The following NOS1AP variants were observed in gnomAD, a reference collection of about 807,000 sequenced individuals.
The protein encoded by NOS1AP is nitric oxide synthase 1 adaptor protein.
A neutral mutation model predicts 56.2 loss-of-function variants in NOS1AP; 21 were observed. The observed-to-expected ratio is 0.37, with a 90% confidence interval of 0.26 to 0.54. The LOEUF (loss-of-function observed/expected upper bound fraction) is 0.54, where lower values mean the gene tolerates loss of function less well. NOS1AP is among the 20% of genes least tolerant of loss of function. The pLI, the probability that NOS1AP is intolerant of heterozygous loss-of-function variation, is 0.84. For missense variants in NOS1AP, 522 were observed against 657.8 expected (o/e 0.79, Z 2.26); for synonymous variants, 270 against 274.6 (o/e 0.98, Z 0.17).
intron 2 of NOS1AP, among the ~76,000 whole-genome samples, chr1:162,275,710 T>C (rs897745279): frequency 5.9e-5 from 9 of 152,214 alleles, no homozygotes; most frequent in Admixed American, 3.9e-4. Context: ...CTTCTTCCCA[T>C]TTTCATCCTC....
At chr1:162,364,042 C>T (rs1484546451) in intron 8 of NOS1AP, 4 of 985,440 alleles carry the variant, frequency 4.1e-6, no homozygotes, top group Non-Finnish European at 4.8e-6. Context: ...GGGGCACACC[C>T]TGGGCCAGCA....
intron 2 of NOS1AP, among the ~76,000 whole-genome samples, chr1:162,198,703 G>A (rs941780766): frequency 2.6e-5 from 4 of 152,042 alleles, no homozygotes; most frequent in Non-Finnish European, 4.4e-5. Flanking sequence ...TCATTATCTC[G>A]TGGATTCAAT....
chr1:162,195,014 A>G (rs1251557109), intron 2 of NOS1AP, among the ~76,000 whole-genome samples: 1 of 152,130 alleles, frequency 6.6e-6, no homozygotes. Flanking sequence ...CTTGTGCCTC[A>G]TAGTAGAGGA....
intron 4 of NOS1AP, among the ~76,000 whole-genome samples, chr1:162,306,115 C>T (rs1226265460): frequency 6.6e-6 from 1 of 152,120 alleles, no homozygotes; most frequent in Non-Finnish European, 1.5e-5. Flanking sequence ...GCTCAGAGAA[C>T]AATTATTAAC....
intron 8 of NOS1AP, chr1:162,364,953 T>C: frequency 2.1e-5 from 22 of 1,029,210 alleles, no homozygotes; most frequent in Non-Finnish European, 2.6e-5. Context: ...GTTTTGGTTT[T>C]GTTTTTTAGA....
chr1:162,200,143 G>A (rs902092185), intron 2 of NOS1AP, among the ~76,000 whole-genome samples: 74 of 152,192 alleles, frequency 4.9e-4, no homozygotes, highest in African/African-American at 1.8e-3. Context: ...GCTTTATCTA[G>A]AAGTTGTGGT....
At chr1:162,220,580 C>T (rs1652737305) in intron 2 of NOS1AP, among the ~76,000 whole-genome samples, 1 of 152,164 alleles carries the variant, frequency 6.6e-6, no homozygotes, top group Admixed American at 6.5e-5. Context: ...GTGGGATCTG[C>T]AGCATTCCTA....
intron 2 of NOS1AP, among the ~76,000 whole-genome samples, chr1:162,205,277 A>C (rs548228844): frequency 6.6e-6 from 1 of 152,352 alleles, no homozygotes; most frequent in South Asian, 2.1e-4. Flanking sequence ...TCTCAGGTTC[A>C]GGATCAGTTT....
chr1:162,282,928 A>G (rs1398929825), intron 2 of NOS1AP, among the ~76,000 whole-genome samples: 3 of 152,166 alleles, frequency 2.0e-5, no homozygotes, highest in Non-Finnish European at 4.4e-5. Context: ...AGAGACAGTG[A>G]GAAGGACTTG....
rs565990497 is a variant in NOS1AP at position 162,175,154 on chromosome 1, A to G, written c.177+20678A>G. On this transcript the variant is annotated intron_variant, in intron 2 of 9. Coordinates refer to ENST00000361897, the MANE Select transcript of NOS1AP (RefSeq NM_014697.3). The stretch of plus-strand genomic sequence containing the variant: ...TCTTTCCATGAAGTACTTTTTGGGG[A>G]AAAAAAAAAAAGTCGTTATGCATGG... 1.5e-3 allele frequency among the ~76,000 whole-genome samples: 193 copies of G among 131,856 alleles called. 1 individual carries two copies. In the East Asian group the frequency reaches 0.028, roughly 19 times the overall value. 86.5% of individuals were successfully genotyped at this position (131,856 alleles called of 152,430 possible). A position where few individuals can be genotyped will look rare whatever the true frequency, so the allele number is the denominator to read the frequency against.
chr1:162,121,082 A>ATTTTT lies in NOS1AP; in HGVS notation c.106-33306_106-33302dup, dbSNP rs372854857. Among the ~76,000 whole-genome samples, 188 of 103,062 alleles carry ATTTTT rather than the reference A, an allele frequency of 1.8e-3. 2 individuals are homozygous for ATTTTT. Among genetic ancestry groups the ATTTTT allele is most frequent in the African/African-American group, 5.1e-3 (143 of 27,860 alleles). 67.6% of individuals were successfully genotyped at this position (103,062 alleles called of 152,430 possible). A position where few individuals can be genotyped will look rare whatever the true frequency, so the allele number is the denominator to read the frequency against. On this transcript the variant is annotated intron_variant, in intron 1 of 9. Transcript: ENST00000361897. Reference sequence around the variant, plus strand: ...CTGCTAAAGAACTTGGCACACTAGGATTTTTTTTTTTTTTTTTTTTTCATT... The same window carrying ATTTTT: ...CTGCTAAAGAACTTGGCACACTAGGATTTTTTTTTTTTTTTTTTTTTTTTTTCATT...
At chr1:162,343,691 G>A in intron 5 of NOS1AP, 144 bp from the exon 6 acceptor site, 2 of 885,170 alleles carry the variant, frequency 2.3e-6, no homozygotes, top group South Asian at 2.8e-5. Context: ...TCAGAAAGGG[G>A]AAATGTCTTT....
intron 8 of NOS1AP, among the ~76,000 whole-genome samples, chr1:162,362,497 A>C (rs1178763844): frequency 6.8e-6 from 1 of 148,140 alleles, no homozygotes; most frequent in Non-Finnish European, 1.5e-5. Context: ...AAGAAAAGAA[A>C]CTGACTCTGC....
intron 2 of NOS1AP, among the ~76,000 whole-genome samples, chr1:162,207,602 C>G (rs1652202104): frequency 6.6e-6 from 1 of 152,206 alleles, no homozygotes; most frequent in Non-Finnish European, 1.5e-5. Context: ...AGCAAACAAT[C>G]TGGCAGGGAG....
Position 162,264,180 on chromosome 1 carries a change from C to T in NOS1AP, c.178-23164C>T, listed in dbSNP as rs150465892. Among the ~76,000 whole-genome samples, 696 of 152,296 alleles carry T rather than the reference C, an allele frequency of 4.6e-3. 2 individuals carry two copies. The highest frequency in any genetic ancestry group is 0.01 in the Middle Eastern group (3 of 294). The stretch of plus-strand genomic sequence containing the variant: ...TAAACGTGTCCATTGGTTTCTTTCT[C>T]TCTTAGGGTAAAGGCCATACTTCTT... On this transcript the variant is annotated intron_variant, in intron 2 of 9. Coordinates refer to ENST00000361897, the MANE Select transcript of NOS1AP (RefSeq NM_014697.3).
intron 2 of NOS1AP, among the ~76,000 whole-genome samples, chr1:162,197,912 T>A (rs1557829370): frequency 6.6e-6 from 1 of 152,206 alleles, no homozygotes. Context: ...TGTTCAGGGC[T>A]CTGTGGGAGA....
At chr1:162,278,329 G>A (rs1025358834) in intron 2 of NOS1AP, among the ~76,000 whole-genome samples, 1 of 152,184 alleles carries the variant, frequency 6.6e-6, no homozygotes, top group African/African-American at 2.4e-5. Context: ...CTGTAGGGTA[G>A]GTGGCTTGCT....
intron 1 of NOS1AP, among the ~76,000 whole-genome samples, chr1:162,147,179 A>G (rs1308673211): frequency 1.3e-5 from 2 of 151,928 alleles, no homozygotes; most frequent in Non-Finnish European, 2.9e-5. Context: ...AATACAAAAA[A>G]TTAGCCAGGT....
At chr1:162,142,656 C>T (rs1162668287) in intron 1 of NOS1AP, among the ~76,000 whole-genome samples, 2 of 152,142 alleles carry the variant, frequency 1.3e-5, no homozygotes, top group African/African-American at 2.4e-5. Flanking sequence ...GCATGTGTAG[C>T]ATATTGTCAT....
Sources: gnomAD v4.1 joint callset for allele counts (sites outside exome capture counted in the v4.1 genomes callset) on GRCh38, gnomAD v4.1.1 for gene constraint, MANE v1.5 for transcripts, NCBI Gene and HGNC (gene_info 2026-07-23, HGNC 2026-07-21) for gene names.